Variants in SDK1 observed in about 807,000 individuals in gnomAD.
SDK1 encodes the protein protein sidekick-1.
In SDK1, 157 loss-of-function variants were observed where a neutral mutation model predicts 245.5. The ratio of observed to expected loss-of-function variants is 0.64; its 90% CI spans 0.56 to 0.73. SDK1 has a LOEUF of 0.73. Ranked by LOEUF, SDK1 falls within the 30% of genes least tolerant of loss-of-function variation. SDK1 has a pLI of 0.00. For synonymous variants in SDK1, 1,647 were observed against 1,278.5 expected (o/e 1.29, Z -6.15); for missense variants, 3,583 against 3,002.3 (o/e 1.19, Z -4.52).
intron 1 of SDK1, among the ~76,000 whole-genome samples, chr7:3,507,953 C>G (rs1782446911): frequency 6.6e-6 from 1 of 152,146 alleles, no homozygotes; most frequent in Non-Finnish European, 1.5e-5. Flanking sequence ...CACTTGATTC[C>G]TGGTGGCATT....
chr7:3,911,721 C>G (rs1366938426), intron 5 of SDK1, among the ~76,000 whole-genome samples: 1 of 152,150 alleles, frequency 6.6e-6, no homozygotes, highest in South Asian at 2.1e-4. Context: ...CATTTTGTCT[C>G]TAGTTCTGTA....
chr7:4,167,352 A>C (rs888610542), intron 32 of SDK1, among the ~76,000 whole-genome samples: 2 of 152,156 alleles, frequency 1.3e-5, no homozygotes, highest in Non-Finnish European at 2.9e-5. Context: ...GCAGTGAGCC[A>C]AGATCACACC....
At chr7:3,463,603 A>C (rs866044789) in intron 1 of SDK1, among the ~76,000 whole-genome samples, 1 of 152,208 alleles carries the variant, frequency 6.6e-6, no homozygotes, top group Non-Finnish European at 1.5e-5. Flanking sequence ...TGGAGTATTT[A>C]CAACTTCTGT....
At chr7:3,395,414 G>A (rs1385236913) in intron 1 of SDK1, among the ~76,000 whole-genome samples, 2 of 151,798 alleles carry the variant, frequency 1.3e-5, no homozygotes, top group Non-Finnish European at 2.9e-5. Context: ...GAGAGATACT[G>A]GTTTGTAGTT....
intron 1 of SDK1, among the ~76,000 whole-genome samples, chr7:3,381,690 G>C (rs928500425): frequency 6.6e-6 from 1 of 152,126 alleles, no homozygotes; most frequent in Non-Finnish European, 1.5e-5. Context: ...CAGCCCAGGG[G>C]ATATGCTTTG....
chr7:3,553,357 T>G (rs1447740879), intron 1 of SDK1, among the ~76,000 whole-genome samples: 4 of 152,126 alleles, frequency 2.6e-5, no homozygotes, highest in Non-Finnish European at 4.4e-5. Flanking sequence ...CACAGACCTG[T>G]TTCTCCCACT....
chr7:4,152,125 CTG>C (rs1490230186), intron 30 of SDK1, among the ~76,000 whole-genome samples: 1 of 152,230 alleles, frequency 6.6e-6, no homozygotes, highest in Non-Finnish European at 1.5e-5. Context: ...CCCTCCAGCT[CTG>C]TGAGTCCAAG....
intron 1 of SDK1, among the ~76,000 whole-genome samples, chr7:3,545,286 G>A (rs1779184617): frequency 1.3e-5 from 2 of 152,140 alleles, no homozygotes; most frequent in South Asian, 4.1e-4. Context: ...GCAGGGGTCA[G>A]AAAAATGGTG....
chr7:4,002,974 A>G (rs972966155), intron 14 of SDK1, among the ~76,000 whole-genome samples: 10 of 152,348 alleles, frequency 6.6e-5, no homozygotes, highest in African/African-American at 1.7e-4. Context: ...TTTGCAGCTC[A>G]TGGAGCCCTA....
chr7:3,325,039 G>A (rs1198253926), intron 1 of SDK1, among the ~76,000 whole-genome samples: 2 of 152,154 alleles, frequency 1.3e-5, no homozygotes, highest in African/African-American at 2.4e-5. Context: ...CTCTGGAACT[G>A]CATTTATCAT....
intron 2 of SDK1, among the ~76,000 whole-genome samples, chr7:3,620,635 T>C (rs1334344894): frequency 1.3e-5 from 2 of 152,074 alleles, no homozygotes; most frequent in African/African-American, 4.8e-5. Flanking sequence ...AGTTCTAAGA[T>C]TTTCTGTAAA....
At chr7:3,486,147 G>A (rs920802236) in intron 1 of SDK1, among the ~76,000 whole-genome samples, 3 of 151,658 alleles carry the variant, frequency 2.0e-5, no homozygotes, top group African/African-American at 7.2e-5. Flanking sequence ...TTGGTCTTTT[G>A]TTTTCTTTTT....
chr7:3,997,303 G>A (rs545751045), intron 14 of SDK1, among the ~76,000 whole-genome samples: 1 of 152,294 alleles, frequency 6.6e-6, no homozygotes, highest in South Asian at 2.1e-4. Flanking sequence ...TTTATTGAGT[G>A]TCCGGACAGC....
intron 5 of SDK1, among the ~76,000 whole-genome samples, chr7:3,886,329 C>G (rs1056220662): frequency 1.3e-5 from 2 of 152,158 alleles, no homozygotes; most frequent in Non-Finnish European, 2.9e-5. Flanking sequence ...ATAGAGATGC[C>G]GGACATAGGA....
intron 4 of SDK1, among the ~76,000 whole-genome samples, chr7:3,746,334 T>C (rs1386198158): frequency 2.0e-5 from 3 of 152,228 alleles, no homozygotes; most frequent in African/African-American, 7.2e-5. Flanking sequence ...TCATTGGTGA[T>C]GGCTGCTGAC....
intron 22 of SDK1, among the ~76,000 whole-genome samples, chr7:4,108,206 G>A (rs560405638): frequency 1.2e-3 from 182 of 152,298 alleles, no homozygotes; most frequent in African/African-American, 4.2e-3. Flanking sequence ...ACGCGATGGA[G>A]GAAGGCAGCT....
At chr7:3,744,359 T>G (rs1413495326) in intron 4 of SDK1, among the ~76,000 whole-genome samples, 1 of 152,192 alleles carries the variant, frequency 6.6e-6, no homozygotes, top group African/African-American at 2.4e-5. Context: ...TTGTTTGTAA[T>G]GTCTATTCTA....
At chr7:3,320,128 G>A (rs369504831) in intron 1 of SDK1, among the ~76,000 whole-genome samples, 1 of 151,652 alleles carries the variant, frequency 6.6e-6, no homozygotes, top group Non-Finnish European at 1.5e-5. Flanking sequence ...AGGAAGCTCC[G>A]GATGACTGTT....
chr7:3,943,661 A>G lies in SDK1; in HGVS notation c.848-7262A>G, dbSNP rs139873097. Among the ~76,000 whole-genome samples, 1,030 of 151,470 alleles carry G rather than the reference A, an allele frequency of 6.8e-3. 5 individuals are homozygous for G. Among genetic ancestry groups the G allele is most frequent in the Non-Finnish European group, 0.012 (783 of 67,866 alleles). On this transcript the variant is annotated intron_variant, in intron 5 of 44. Transcript: ENST00000404826. ...GGAAGGGGCGTTTTCCATTCATCCG[A>G]CTTTATTTGCAGTGACTCCACAGCT... is the stretch of plus-strand genomic sequence containing the variant.
Sources: allele counts gnomAD v4.1 joint callset (sites outside exome capture counted in the v4.1 genomes callset), GRCh38; gene constraint gnomAD v4.1.1; transcripts MANE v1.5; gene names NCBI Gene and HGNC (gene_info 2026-07-23, HGNC 2026-07-21).